DNTT: variants seen among roughly 807,000 people sequenced by gnomAD.
DNTT encodes DNA nucleotidylexotransferase.
A neutral mutation model predicts 60.9 loss-of-function variants in DNTT; 47 were observed. The ratio of observed to expected loss-of-function variants is 0.77; its 90% confidence interval spans 0.61 to 0.98. DNTT has a LOEUF of 0.98. DNTT is among the 50% of genes least tolerant of loss of function. DNTT has a pLI of 0.00. For synonymous variants in DNTT, 224 were observed against 221.2 expected, an observed-to-expected ratio of 1.01 and a Z score of -0.11; for missense variants, 665 against 627.5, an observed-to-expected ratio of 1.06 and a Z score of -0.64.
chr10:96,338,087 T>C, intron 10 of DNTT, 51 bp from the exon 11 acceptor site: 6 of 1,529,132 alleles, frequency 3.9e-6, no homozygotes, highest in Non-Finnish European at 4.5e-6. Flanking sequence ...GTCCACACCA[T>C]GGTGCTTATG....
Position 96,328,828 on chromosome 10 carries a change from A to G in DNTT, c.1111A>G (p.Lys371Glu). Residue 371 changes from lysine (K) to glutamate (E), a missense_variant and splice_region_variant, in exon 8 of 11, where the codon AAG (lysine) becomes GAG (glutamate). Transcript: ENST00000371174. ...GAAAGTGATGAACTTATGGGAAAAG[A>G]AGGTGAGAAGAAAGATGAAAAATAC... The part of the protein sequence containing the change: ...LQKVMNLWEK[K>E]GLLLYYDLVE... The G allele has an allele frequency of 6.2e-7, 1 of 1,612,362 alleles. No individual in the cohort carries two copies. Among genetic ancestry groups the G allele is most frequent in the Non-Finnish European group, 8.5e-7 (1 of 1,179,492 alleles).
chr10:96,322,336 A>G (rs1844890216), intron 4 of DNTT, among the ~76,000 whole-genome samples: 1 of 152,204 alleles, frequency 6.6e-6, no homozygotes, highest in Non-Finnish European at 1.5e-5. Context: ...GGTCATATTC[A>G]TTGAAGAGAA....
At chr10:96,335,542 A>G (rs954302804) in intron 9 of DNTT, among the ~76,000 whole-genome samples, 1 of 152,226 alleles carries the variant, frequency 6.6e-6, no homozygotes, top group Non-Finnish European at 1.5e-5. Context: ...CCACCAAACT[A>G]GTATTTATCC....
chr10:96,318,470 A>T lies in DNTT; in HGVS notation c.322A>T (p.Ile108Phe). The T allele has an allele frequency of 6.2e-7, 1 of 1,613,900 alleles. No homozygotes were observed. The highest frequency in any genetic ancestry group is 8.5e-7 in the Non-Finnish European group (1 of 1,179,832). ...QPELLDVSWL[I>F]ECIRAGKPVE... ...AGAGCTCCTCGATGTCTCCTGGCTG[A>T]TCGAATGCATAAGAGCAGGGAAACC... The change falls in exon 2 of 11, where the codon ATC becomes TTC. Residue 108 changes from isoleucine to phenylalanine, a missense_variant. Physicochemically the swap from Ile to Phe is conservative, Grantham distance 21 (BLOSUM62 0). Transcript: ENST00000371174.
chr10:96,331,378 A>G (rs1845004210), intron 8 of DNTT, among the ~76,000 whole-genome samples: 2 of 152,210 alleles, frequency 1.3e-5, no homozygotes, highest in African/African-American at 4.8e-5. Flanking sequence ...TACTTGGCCC[A>G]TGGTTCTGCA....
Position 96,322,720 on chromosome 10 carries a change from T to G in DNTT, c.742T>G (p.Ser248Ala). ...KAVLNDERYQ[S>A]FKLFTSVFGV... ...TGTGTTAAATGATGAACGATATCAATCCTTCAAAGTAAGTGATTTTACATA... is the reference window on the plus strand; with the variant it reads ...TGTGTTAAATGATGAACGATATCAAGCCTTCAAAGTAAGTGATTTTACATA... The change falls in exon 5 of 11, where the codon TCC becomes GCC. Residue 248 changes from serine (S) to alanine (A), a missense_variant. Ser to Ala is a moderately conservative substitution (Grantham distance 99). Coordinates refer to ENST00000371174, the MANE Select transcript of DNTT (RefSeq NM_004088.4). 1.3e-6 allele frequency: 2 copies of G among 1,592,898 alleles called. No homozygotes were observed. The highest frequency in any genetic ancestry group is 2.3e-5 in the South Asian group (2 of 88,016).
intron 7 of DNTT, 150 bp from the exon 8 acceptor site, chr10:96,328,575 T>C: frequency 1.5e-6 from 1 of 679,738 alleles, no homozygotes; most frequent in Non-Finnish European, 2.4e-6. Context: ...AACAGCGATG[T>C]GTAACCAAGG....
At chr10:96,311,976 T>C (rs752590984) in intron 1 of DNTT, among the ~76,000 whole-genome samples, 1 of 152,228 alleles carries the variant, frequency 6.6e-6, no homozygotes, top group Non-Finnish European at 1.5e-5. Context: ...CTAAACTGAC[T>C]CATTTAAAAT....
At chr10:96,311,493 A>G (rs79384158) in intron 1 of DNTT, among the ~76,000 whole-genome samples, 15,610 of 152,284 alleles carry the variant, frequency 0.1, 866 homozygotes, top group South Asian at 0.15. Context: ...CAGGGAAATT[A>G]TTGCCTGAGG....
At chr10:96,330,277 C>A (rs542202548) in intron 8 of DNTT, among the ~76,000 whole-genome samples, 2 of 151,374 alleles carry the variant, frequency 1.3e-5, no homozygotes, top group African/African-American at 4.8e-5. Flanking sequence ...CTCTTACCCA[C>A]CAAGTGACAG....
At chr10:96,328,261 C>T (rs1029823880) in intron 7 of DNTT, among the ~76,000 whole-genome samples, 2 of 152,228 alleles carry the variant, frequency 1.3e-5, no homozygotes, top group African/African-American at 4.8e-5. Context: ...AGCCCTCTCA[C>T]CTGGTGGCTT....
chr10:96,313,510 A>G (rs1352022796), intron 1 of DNTT, among the ~76,000 whole-genome samples: 3 of 152,216 alleles, frequency 2.0e-5, no homozygotes, highest in Non-Finnish European at 2.9e-5. Flanking sequence ...GCAGAACGTT[A>G]AGAGGTTGCT....
chr10:96,329,225 G>A (rs1359231951), intron 8 of DNTT, among the ~76,000 whole-genome samples: 1 of 152,246 alleles, frequency 6.6e-6, no homozygotes, highest in Non-Finnish European at 1.5e-5. Flanking sequence ...ATCAGTCTAA[G>A]AGGTGTTGAT....
chr10:96,322,840 C>A (rs146843819), intron 5 of DNTT, 112 bp downstream of exon 5: 1 of 797,696 alleles, frequency 1.3e-6, no homozygotes, highest in Non-Finnish European at 1.9e-6. Flanking sequence ...ACAGAGATGG[C>A]GTGGCTTAAA....
rs1844968500 is a variant in DNTT, at chr10:96,328,706, T to C, written c.1008-19T>C. ...TAATATCTAATTGATTTCCATTTTA[T>C]ACTGCTTTTGAAAATTAGGGGTAAG... is the stretch of plus-strand genomic sequence containing the variant. On this transcript the variant is annotated intron_variant, in intron 7 of 10. Coordinates refer to ENST00000371174, the MANE Select transcript of DNTT (RefSeq NM_004088.4). 2 of 1,607,450 alleles carry C rather than the reference T, an allele frequency of 1.2e-6. No individual in the cohort carries two copies. Among genetic ancestry groups the C allele is most frequent in the South Asian group, 1.1e-5 (1 of 89,184 alleles).
chr10:96,310,839 AT>A (rs904044146), intron 1 of DNTT, among the ~76,000 whole-genome samples: 3 of 152,152 alleles, frequency 2.0e-5, no homozygotes, highest in African/African-American at 4.8e-5. Context: ...TTTGTAATGA[AT>A]TTTTTTTCTG....
chr10:96,309,490 G>C lies in DNTT; in HGVS notation c.203+4790G>C, dbSNP rs74548046. The stretch of plus-strand genomic sequence containing the variant: ...TAAAAAAAAAAAAAAGTTAGCATTT[G>C]CCTGCTCATTTTTTACTTTTAGTCT... On this transcript the variant is annotated intron_variant, in intron 1 of 10. Coordinates refer to ENST00000371174, the MANE Select transcript of DNTT (RefSeq NM_004088.4). 7.4e-3 allele frequency among the ~76,000 whole-genome samples: 1,118 copies of C among 151,098 alleles called. 15 individuals are homozygous for C. Among genetic ancestry groups the C allele is most frequent in the African/African-American group, 0.026 (1,062 of 41,194 alleles).
At chr10:96,312,545 G>A (rs924435534) in intron 1 of DNTT, among the ~76,000 whole-genome samples, 3 of 152,262 alleles carry the variant, frequency 2.0e-5, no homozygotes, top group African/African-American at 4.8e-5. Context: ...GTAGAACCAC[G>A]GGGAACATCA....
intron 9 of DNTT, 96 bp from the exon 10 acceptor site, chr10:96,335,795 T>C: frequency 2.2e-6 from 3 of 1,366,730 alleles, no homozygotes; most frequent in Middle Eastern, 2.0e-4. Context: ...TGAGAATGTT[T>C]AGTGGAGTTA....
Sources: gnomAD v4.1 joint callset for allele counts (sites outside exome capture counted in the v4.1 genomes callset) on GRCh38, gnomAD v4.1.1 for gene constraint, MANE v1.5 for transcripts, NCBI Gene and HGNC (gene_info 2026-07-23, HGNC 2026-07-21) for gene names.